BCOR: variants seen among roughly 807,000 people sequenced by gnomAD.
The protein encoded by BCOR is BCL6 corepressor, also known as BCL-6 corepressor.
A neutral mutation model predicts 86.7 loss-of-function variants in BCOR; 10 were observed. The ratio of observed to expected loss-of-function variants is 0.12; its 90% CI spans 0.07 to 0.20. The LOEUF (loss-of-function observed/expected upper bound fraction) is 0.20, where lower values mean the gene tolerates loss of function less well. BCOR is among the 10% of genes least tolerant of loss of function. BCOR has a pLI of 1.00. For missense variants in BCOR, 1,259 were observed against 1,452.1 expected (o/e 0.87, Z 2.16); for synonymous variants, 611 against 609.0 (o/e 1.00, Z -0.05).
In BCOR at chrX:40,077,715, A is replaced by G. The variant is rs1208053268; in HGVS notation, c.86+129T>C. On this transcript the variant is annotated intron_variant, in intron 2 of 14. Coordinates refer to ENST00000378444, the MANE Select transcript of BCOR (RefSeq NM_001123385.2). ...TTGCCTGTTAAAACTGTAAATCAAGAGCGGCCTACTAGGCGGGAAGCTCTT... is the reference window on the plus strand; with the variant it reads ...TTGCCTGTTAAAACTGTAAATCAAGGGCGGCCTACTAGGCGGGAAGCTCTT... The G allele has an allele frequency of 2.3e-5, 13 of 559,519 alleles. No homozygotes were observed. In the South Asian group the frequency reaches 3.5e-4, roughly 15 times the overall value. The allele number at this position is 559,519 out of a possible 1,213,427, so 46.1% of individuals were successfully genotyped here. A position where few individuals can be genotyped will look rare whatever the true frequency, so the allele number is the denominator to read the frequency against.
chrX:40,104,708 G>A (rs1421182884), intron 1 of BCOR, among the ~76,000 whole-genome samples: 5 of 112,699 alleles, frequency 4.4e-5, no homozygotes, highest in Non-Finnish European at 9.4e-5. Flanking sequence ...CAAAGGTTGG[G>A]GCCTGCCGCG....
At chrX:40,165,025 G>A (rs974029292) in intron 1 of BCOR, among the ~76,000 whole-genome samples, 2 of 112,084 alleles carry the variant, frequency 1.8e-5, no homozygotes, top group East Asian at 5.6e-4. Context: ...GAAGTGCCAA[G>A]CTCAGGGAGA....
intron 1 of BCOR, among the ~76,000 whole-genome samples, chrX:40,133,750 G>A (rs903649093): frequency 9.0e-6 from 1 of 111,228 alleles, no homozygotes; most frequent in Non-Finnish European, 1.9e-5. Flanking sequence ...GTGAGCCACC[G>A]CGCCCGGCCT....
intron 1 of BCOR, among the ~76,000 whole-genome samples, chrX:40,089,046 T>C (rs1936484478): frequency 9.0e-6 from 1 of 111,670 alleles, no homozygotes; most frequent in African/African-American, 3.3e-5. Context: ...GGACCTAGAA[T>C]ACCCTCGTAG....
At chrX:40,104,123 G>A (rs936583482) in intron 1 of BCOR, among the ~76,000 whole-genome samples, 2 of 111,093 alleles carry the variant, frequency 1.8e-5, no homozygotes, top group African/African-American at 6.6e-5. Flanking sequence ...CCAGGGATGC[G>A]TGATGAGGAT....
At chrX:40,128,502 C>T (rs935830837) in intron 1 of BCOR, among the ~76,000 whole-genome samples, 13 of 111,423 alleles carry the variant, frequency 1.2e-4, no homozygotes, top group Non-Finnish European at 2.1e-4. Flanking sequence ...GCCCAGATCA[C>T]GCCACCGCAC....
Position 40,052,372 on chromosome X carries a change from C to T in BCOR, c.5005G>A (p.Val1669Ile), listed in dbSNP as rs1222605903. ...GAGGACATTTTCAATTTCTTAAGGA[C>T]ATCCGAAAGCAGTAGCCAGTTTCGT... ...GPRNWLLLSDVLKKLKMSSRI... is the reference protein window; with the variant it reads ...GPRNWLLLSDILKKLKMSSRI... The change falls in exon 15 of 15, where the codon GTC becomes ATC. Residue 1669 changes from valine (V) to isoleucine (I), a missense_variant. By Grantham distance (29) the Val-to-Ile change is conservative (BLOSUM62 3). Coordinates refer to ENST00000378444, the MANE Select transcript of BCOR (RefSeq NM_001123385.2). 3 of 1,210,279 alleles carry T rather than the reference C, an allele frequency of 2.5e-6. No homozygotes were observed. Among genetic ancestry groups the T allele is most frequent in the Non-Finnish European group, 3.4e-6 (3 of 894,545 alleles).
rs1206860639 is a variant in BCOR, at chrX:40,072,966, C to G, written c.2380G>C (p.Gly794Arg). 8.3e-7 allele frequency: 1 copy of G among 1,209,976 alleles called. No homozygotes were observed. Among genetic ancestry groups the G allele is most frequent in the African/African-American group, 1.8e-5 (1 of 57,121 alleles). Residue 794 changes from glycine (G) to arginine (R), a missense_variant, in exon 4 of 15, where the codon GGG (glycine) becomes CGG (arginine). Transcript: ENST00000378444. ...NLKPNPNWNQ[G>R]KTVVKSDKLV... is the part of the protein sequence containing the mutation. ...TTGTCGCTTTTGACAACAGTCTTCC[C>G]TTGATTCCAGTTGGGGTTCGGCTTT... is the stretch of plus-strand genomic sequence containing the variant.
chrX:40,060,734 T>G (rs770561821), intron 10 of BCOR, among the ~76,000 whole-genome samples: 8 of 113,081 alleles, frequency 7.1e-5, no homozygotes, highest in Admixed American at 1.9e-4. Context: ...CACTTGGGTT[T>G]AATCTGCAAG....
At chrX:40,059,535 G>T (rs1934764358) in intron 10 of BCOR, among the ~76,000 whole-genome samples, 2 of 112,388 alleles carry the variant, frequency 1.8e-5, no homozygotes, top group African/African-American at 6.5e-5. Context: ...AGATGGGAGG[G>T]TGATGGGATC....
intron 1 of BCOR, among the ~76,000 whole-genome samples, chrX:40,105,068 C>A (rs1320569567): frequency 9.1e-6 from 1 of 110,205 alleles, no homozygotes; most frequent in East Asian, 2.9e-4. Context: ...CGCCGGGGCG[C>A]CAAGCTGCGC....
At chrX:40,062,485 T>C in intron 9 of BCOR, 92 bp from the exon 10 acceptor site, 2 of 1,079,614 alleles carry the variant, frequency 1.9e-6, no homozygotes, top group Non-Finnish European at 2.5e-6. Context: ...CAAACCTGCG[T>C]GGAGAGAGGC....
intron 1 of BCOR, among the ~76,000 whole-genome samples, chrX:40,124,695 C>T (rs775503240): frequency 1.1e-4 from 12 of 109,635 alleles, no homozygotes; most frequent in African/African-American, 4.0e-4. Context: ...CTTGACCTCC[C>T]GGGCTCAACC....
At chrX:40,080,743 G>T (rs909203002) in intron 1 of BCOR, among the ~76,000 whole-genome samples, 4 of 109,593 alleles carry the variant, frequency 3.6e-5, no homozygotes, top group Non-Finnish European at 7.6e-5. Flanking sequence ...AATGATACCA[G>T]CCACCAGAAC....
chrX:40,059,976 C>T (rs1216587897), intron 10 of BCOR, among the ~76,000 whole-genome samples: 1 of 112,139 alleles, frequency 8.9e-6, no homozygotes, highest in African/African-American at 3.2e-5. Flanking sequence ...TGTTTCTAAA[C>T]CTCAAGAACC....
At chrX:40,117,113 G>A (rs1937407888) in intron 1 of BCOR, among the ~76,000 whole-genome samples, 1 of 112,587 alleles carries the variant, frequency 8.9e-6, no homozygotes, top group African/African-American at 3.2e-5. Flanking sequence ...ATCTGACACC[G>A]ATGATTAATG....
At chrX:40,094,150 A>G (rs781359211) in intron 1 of BCOR, among the ~76,000 whole-genome samples, 7 of 111,338 alleles carry the variant, frequency 6.3e-5, no homozygotes, top group Non-Finnish European at 9.5e-5. Context: ...AAGGGTTAAG[A>G]GAAACCCCCA....
chrX:40,099,072 C>A (rs1265392865), upstream of BCOR, among the ~76,000 whole-genome samples: 1 of 113,500 alleles, frequency 8.8e-6, no homozygotes, highest in East Asian at 2.8e-4. Context: ...TTGGCTTACA[C>A]CGTTCGCCCC....
chrX:40,113,209 A>G (rs1300656841), intron 1 of BCOR, among the ~76,000 whole-genome samples: 1 of 104,928 alleles, frequency 9.5e-6, no homozygotes, highest in East Asian at 2.9e-4. Context: ...TTATTTATTT[A>G]TTTATTTTGA....
Sources: gnomAD v4.1 joint callset for allele counts (sites outside exome capture counted in the v4.1 genomes callset) on GRCh38, gnomAD v4.1.1 for gene constraint, MANE v1.5 for transcripts, NCBI Gene and HGNC (gene_info 2026-07-23, HGNC 2026-07-21) for gene names.